The following TRAPPC9 variants were observed in gnomAD, a reference collection of about 807,000 sequenced individuals.
TRAPPC9 encodes the protein IKK2 binding protein.
In TRAPPC9, 83 loss-of-function variants were observed where a neutral mutation model predicts 124.0. The observed-to-expected ratio is 0.67, with a 90% CI of 0.56 to 0.80. TRAPPC9 has a LOEUF of 0.80. TRAPPC9 is among the 30% of genes least tolerant of loss of function. The probability of loss-of-function intolerance (pLI) is 0.00; values close to 1 mark genes in which losing one functional copy is unlikely to be tolerated. For synonymous variants in TRAPPC9, 638 were observed against 617.5 expected (o/e 1.03, Z -0.49); for missense variants, 1,302 against 1,508.3 (o/e 0.86, Z 2.27).
At chr8:140,134,138 C>A (rs1013991689) in intron 17 of TRAPPC9, among the ~76,000 whole-genome samples, 1 of 152,092 alleles carries the variant, frequency 6.6e-6, no homozygotes, top group African/African-American at 2.4e-5. Context: ...GTCCTGATTT[C>A]AAAAGTATCT....
intron 9 of TRAPPC9, among the ~76,000 whole-genome samples, chr8:140,312,818 G>C (rs1384439141): frequency 1.3e-5 from 2 of 149,616 alleles, no homozygotes; most frequent in South Asian, 2.1e-4. Flanking sequence ...GGAGTGCAGA[G>C]GTACAATCTC....
chr8:139,757,153 G>A (rs1481913309), intron 21 of TRAPPC9, among the ~76,000 whole-genome samples: 3 of 132,382 alleles, frequency 2.3e-5, no homozygotes, highest in African/African-American at 9.0e-5. Context: ...AGGACAGCAG[G>A]TCGCAGGAGG....
intron 18 of TRAPPC9, among the ~76,000 whole-genome samples, chr8:140,000,791 A>T (rs541387042): frequency 6.6e-6 from 1 of 152,346 alleles, no homozygotes; most frequent in South Asian, 2.1e-4. Flanking sequence ...GTGGGAGCGT[A>T]AATTAGTTCA....
At chr8:140,379,394 T>C (rs145561959) in intron 7 of TRAPPC9, among the ~76,000 whole-genome samples, 1 of 152,342 alleles carries the variant, frequency 6.6e-6, no homozygotes, top group Non-Finnish European at 1.5e-5. Context: ...CCTGGTTTCC[T>C]GGCTCTTGTG....
intron 9 of TRAPPC9, among the ~76,000 whole-genome samples, chr8:140,340,141 C>A (rs769484513): frequency 6.6e-6 from 1 of 152,224 alleles, no homozygotes; most frequent in East Asian, 1.9e-4. Context: ...AGCCACTGCA[C>A]CCAGCCAAGA....
At chr8:139,994,403 G>A (rs1334720203) in intron 18 of TRAPPC9, among the ~76,000 whole-genome samples, 3 of 152,218 alleles carry the variant, frequency 2.0e-5, no homozygotes, top group African/African-American at 7.2e-5. Flanking sequence ...CCCCAGAGGG[G>A]TCAGTTCTCT....
intron 21 of TRAPPC9, among the ~76,000 whole-genome samples, chr8:139,835,696 T>C (rs1471349309): frequency 1.3e-5 from 2 of 151,794 alleles, no homozygotes; most frequent in African/African-American, 2.4e-5. Flanking sequence ...TGATAAGAGC[T>C]GTCAGAGTGA....
intron 21 of TRAPPC9, among the ~76,000 whole-genome samples, chr8:139,865,735 G>C (rs371571322): frequency 7.9e-5 from 12 of 152,296 alleles, no homozygotes; most frequent in African/African-American, 2.9e-4. Context: ...CAGGGAGGGG[G>C]AGGAAGGTAT....
intron 21 of TRAPPC9, among the ~76,000 whole-genome samples, chr8:139,848,454 A>G (rs1261785632): frequency 6.6e-6 from 1 of 152,196 alleles, no homozygotes; most frequent in Non-Finnish European, 1.5e-5. Context: ...CCCAGAGAGG[A>G]AAACTTCCAG....
At chr8:139,922,457 C>T (rs1211902364) in intron 19 of TRAPPC9, among the ~76,000 whole-genome samples, 2 of 152,242 alleles carry the variant, frequency 1.3e-5, no homozygotes, top group African/African-American at 4.8e-5. Flanking sequence ...GCTGGGATTA[C>T]AGGCGTGAGC....
chr8:140,111,904 G>A (rs2060783034), intron 17 of TRAPPC9, among the ~76,000 whole-genome samples: 1 of 152,256 alleles, frequency 6.6e-6, no homozygotes, highest in Non-Finnish European at 1.5e-5. Flanking sequence ...GTATGCGCCA[G>A]CACACTCCAT....
In TRAPPC9 at chr8:139,984,390, C is replaced by A. The variant is rs1349716768; in HGVS notation, c.2810+4336G>T. ...ACCTCCAGGCAGAGCCCATGCCCTC[C>A]CCACTCCAGAGGGCAGATCGCAGGC... On this transcript the variant is annotated intron_variant, in intron 19 of 22. Transcript: ENST00000438773. This position sits in a 1 kb window ranked among gnomAD's most constrained non-coding sequence, Gnocchi z 4.3. Among the ~76,000 whole-genome samples the A allele has an allele frequency of 1.3e-5, 2 of 152,150 alleles. No homozygotes were observed. The highest frequency in any genetic ancestry group is 2.9e-5 in the Non-Finnish European group (2 of 68,028).
At chr8:140,145,093 C>T (rs184694032) in intron 17 of TRAPPC9, among the ~76,000 whole-genome samples, 209 of 152,018 alleles carry the variant, frequency 1.4e-3, no homozygotes, top group African/African-American at 4.7e-3. Flanking sequence ...CCAGGCTGGT[C>T]TCAAACTCCT....
intron 18 of TRAPPC9, among the ~76,000 whole-genome samples, chr8:140,020,426 G>A (rs1226099434): frequency 6.6e-6 from 1 of 152,154 alleles, no homozygotes; most frequent in Non-Finnish European, 1.5e-5. Context: ...AGGGGTTTGA[G>A]ACCAGCCTGG....
At chr8:139,750,374 C>T (rs963014384) in intron 21 of TRAPPC9, among the ~76,000 whole-genome samples, 10 of 152,326 alleles carry the variant, frequency 6.6e-5, no homozygotes, top group African/African-American at 2.2e-4. Context: ...GTCTACCGTG[C>T]CTTTTTGTCC....
chr8:140,457,483 G>A (rs963236155), intron 1 of TRAPPC9, among the ~76,000 whole-genome samples, 156 bp downstream of exon 1: 3 of 152,192 alleles, frequency 2.0e-5, no homozygotes, highest in South Asian at 2.1e-4. Context: ...ACCCCGGCCC[G>A]GCAGCGGACC....
chr8:139,857,233 G>A (rs534528245), intron 21 of TRAPPC9, among the ~76,000 whole-genome samples: 7 of 152,308 alleles, frequency 4.6e-5, no homozygotes, highest in East Asian at 1.9e-4. Context: ...GGCTGGCGGC[G>A]GCTCATGGGC....
chr8:140,212,569 T>C (rs886517375), intron 17 of TRAPPC9, among the ~76,000 whole-genome samples: 14 of 152,094 alleles, frequency 9.2e-5, no homozygotes, highest in Admixed American at 6.5e-4. Context: ...GGGATTTTTT[T>C]CCCCCATGAT....
chr8:140,275,960 G>C, intron 14 of TRAPPC9, 139 bp from the exon 15 acceptor site: 1 of 705,040 alleles, frequency 1.4e-6, no homozygotes. Context: ...TTCATATATG[G>C]AGTTCAGTAT....
Sources: allele counts gnomAD v4.1 joint callset (sites outside exome capture counted in the v4.1 genomes callset), GRCh38; gene constraint gnomAD v4.1.1; non-coding constraint Gnocchi (gnomAD v3.1); transcripts MANE v1.5; gene names NCBI Gene and HGNC (gene_info 2026-07-23, HGNC 2026-07-21).